GPM6B: variants seen among roughly 807,000 people sequenced by gnomAD.
GPM6B encodes the protein glycoprotein M6B.
A neutral mutation model predicts 27.2 loss-of-function variants in GPM6B; 4 were observed. The ratio of observed to expected loss-of-function variants is 0.15; its 90% CI spans 0.07 to 0.34. GPM6B has a LOEUF of 0.34. GPM6B is among the 10% of genes least tolerant of loss of function. The pLI, the probability that GPM6B is intolerant of heterozygous loss-of-function variation, is 1.00. For missense variants in GPM6B, 183 were observed against 261.9 expected, an observed-to-expected ratio of 0.70 and a Z score of 2.08; for synonymous variants, 124 against 103.1, an observed-to-expected ratio of 1.20 and a Z score of -1.23.
At chrX:13,784,711 G>A (rs188057115) in intron 3 of GPM6B, among the ~76,000 whole-genome samples, 1 of 111,961 alleles carries the variant, frequency 8.9e-6, no homozygotes, top group East Asian at 2.8e-4. Context: ...AAGAATCTAT[G>A]TGTGGGAGTC....
At chrX:13,890,096 C>T (rs1330784343) in intron 1 of GPM6B, among the ~76,000 whole-genome samples, 2 of 111,359 alleles carry the variant, frequency 1.8e-5, no homozygotes, top group Non-Finnish European at 3.8e-5. Flanking sequence ...TTCTATGTCA[C>T]GGGATGAGAT....
At chrX:13,870,906 C>CA (rs67125855) in intron 1 of GPM6B, among the ~76,000 whole-genome samples, 30,794 of 105,423 alleles carry the variant, frequency 0.29, 3,813 homozygotes, top group East Asian at 0.64. Context: ...CCTGTCTCTA[C>CA]AAAAAAAAAT....
At chrX:13,835,197 C>G (rs566345120) in intron 1 of GPM6B, among the ~76,000 whole-genome samples, 1 of 111,125 alleles carries the variant, frequency 9.0e-6, no homozygotes, top group Admixed American at 9.6e-5. Flanking sequence ...TAGCCCGGGA[C>G]AACTATTATT....
intron 1 of GPM6B, among the ~76,000 whole-genome samples, chrX:13,887,849 G>C (rs1040341629): frequency 8.9e-6 from 1 of 111,809 alleles, no homozygotes; most frequent in African/African-American, 3.3e-5. Flanking sequence ...AAGCTCCTCA[G>C]CTGATTCCAA....
At chrX:13,914,881 T>G (rs1459236741) in intron 1 of GPM6B, among the ~76,000 whole-genome samples, 2 of 111,678 alleles carry the variant, frequency 1.8e-5, no homozygotes, top group African/African-American at 6.5e-5. Flanking sequence ...TACTGAATCC[T>G]AAAATGACAG....
intron 2 of GPM6B, among the ~76,000 whole-genome samples, chrX:13,805,087 A>C (rs1042185124): frequency 9.0e-6 from 1 of 111,716 alleles, no homozygotes; most frequent in African/African-American, 3.3e-5. Context: ...CCATCAATGC[A>C]CACAAAAAGT....
intron 1 of GPM6B, among the ~76,000 whole-genome samples, chrX:13,919,829 T>A (rs1289585210): frequency 9.0e-6 from 1 of 111,617 alleles, no homozygotes; most frequent in African/African-American, 3.3e-5. Flanking sequence ...AACTGGGGGA[T>A]GAGTCTTTGC....
upstream of GPM6B, among the ~76,000 whole-genome samples, chrX:13,820,638 G>C (rs892806118): frequency 2.7e-5 from 3 of 110,944 alleles, no homozygotes; most frequent in Admixed American, 9.6e-5. Context: ...TAGCAGCCCT[G>C]ACATTCCTGG....
chrX:13,829,556 T>C (rs2049414828), intron 1 of GPM6B, among the ~76,000 whole-genome samples: 1 of 111,213 alleles, frequency 9.0e-6, no homozygotes, highest in Non-Finnish European at 1.9e-5. Flanking sequence ...AAAAGTTCAT[T>C]TCTGTGCCCT....
intron 1 of GPM6B, among the ~76,000 whole-genome samples, chrX:13,919,003 T>C (rs2050453944): frequency 8.9e-6 from 1 of 111,790 alleles, no homozygotes; most frequent in Non-Finnish European, 1.9e-5. Context: ...TTCATTTCCT[T>C]ATTTGGAGAA....
chrX:13,921,850 T>C (rs1920981521), intron 1 of GPM6B, among the ~76,000 whole-genome samples: 1 of 112,010 alleles, frequency 8.9e-6, no homozygotes, highest in Non-Finnish European at 1.9e-5. Flanking sequence ...GTGCTGGGAC[T>C]ACAGGCGTGA....
intron 1 of GPM6B, among the ~76,000 whole-genome samples, chrX:13,896,208 T>C (rs887461778): frequency 9.6e-6 from 1 of 103,749 alleles, no homozygotes; most frequent in Non-Finnish European, 2.0e-5. Context: ...ATCTTAAGTA[T>C]GGTGCTTATG....
intron 1 of GPM6B, among the ~76,000 whole-genome samples, chrX:13,937,130 G>T (rs1477453821): frequency 9.0e-6 from 1 of 111,588 alleles, no homozygotes; most frequent in Non-Finnish European, 1.9e-5. Flanking sequence ...ATTAAGAGAA[G>T]TAGGAACCTG....
chrX:13,890,381 C>T (rs919435711), intron 1 of GPM6B, among the ~76,000 whole-genome samples: 8 of 111,729 alleles, frequency 7.2e-5, no homozygotes, highest in African/African-American at 2.6e-4. Flanking sequence ...TATGGAGTAG[C>T]CATTCTTTTA....
In GPM6B at chrX:13,812,186, A is replaced by G. The variant is rs1278278534; in HGVS notation, c.62-4417T>C. On this transcript the variant is annotated intron_variant, in intron 1 of 7. Coordinates refer to ENST00000316715, the MANE Select transcript of GPM6B (RefSeq NM_001001995.3). ...TGCCTCAGCCTCCTGAGTAGCTGGG[A>G]TTACAGGCACACACCACCACGCCCG... Among the ~76,000 whole-genome samples, 3 of 107,187 alleles carry G rather than the reference A, an allele frequency of 2.8e-5. No homozygotes were observed. In the East Asian group the frequency reaches 8.9e-4, roughly 32 times the overall value. 93.1% of individuals were successfully genotyped at this position (107,187 alleles called of 115,157 possible).
chrX:13,794,396 T>C (rs2048771127), intron 2 of GPM6B, among the ~76,000 whole-genome samples: 1 of 111,137 alleles, frequency 9.0e-6, no homozygotes, highest in Non-Finnish European at 1.9e-5. Flanking sequence ...CAGGCAGGTC[T>C]GGAAAGGACA....
At chrX:13,839,397 C>T (rs1043122554) in intron 1 of GPM6B, among the ~76,000 whole-genome samples, 2 of 111,907 alleles carry the variant, frequency 1.8e-5, no homozygotes, top group African/African-American at 6.5e-5. Flanking sequence ...TACCCAATCA[C>T]CTTAGACATA....
At chrX:13,861,005 T>TACACACACACACAC in intron 1 of GPM6B, among the ~76,000 whole-genome samples, 2 of 79,390 alleles carry the variant, frequency 2.5e-5, no homozygotes, top group African/African-American at 1.2e-4. Context: ...TGAATGTGCA[T>TACACACACACACAC]ACACACACAC....
At chrX:13,773,058 T>TA in intron 7 of GPM6B, 28 bp from the exon 8 acceptor site, 1 of 1,191,180 alleles carries the variant, frequency 8.4e-7, no homozygotes, top group Non-Finnish European at 1.1e-6. Flanking sequence ...GCATGATGGC[T>TA]AGTGAGCATT....
Sources: gnomAD v4.1 joint callset for allele counts (sites outside exome capture counted in the v4.1 genomes callset) on GRCh38, gnomAD v4.1.1 for gene constraint, MANE v1.5 for transcripts, NCBI Gene and HGNC (gene_info 2026-07-23, HGNC 2026-07-21) for gene names.